The following TNIP3 variants were observed in gnomAD, a reference collection of about 807,000 sequenced individuals.
TNIP3 encodes the protein TNFAIP3-interacting protein 3.
A neutral mutation model predicts 54.1 loss-of-function variants in TNIP3; 34 were observed. The observed-to-expected ratio is 0.63, with a 90% confidence interval of 0.48 to 0.84. TNIP3 has a LOEUF of 0.84. Ranked by LOEUF, TNIP3 falls within the 40% of genes least tolerant of loss-of-function variation. The probability of loss-of-function intolerance (pLI) is 0.00; values close to 1 mark genes in which losing one functional copy is unlikely to be tolerated. For missense variants in TNIP3, 366 were observed against 387.6 expected, an observed-to-expected ratio of 0.94 and a Z score of 0.47; for synonymous variants, 134 against 136.8, an observed-to-expected ratio of 0.98 and a Z score of 0.14.
chr4:121,154,311 C>T, intron 5 of TNIP3: 1 of 459,272 alleles, frequency 2.2e-6, no homozygotes, highest in South Asian at 2.6e-5. Flanking sequence ...TCTGTAATTC[C>T]TCCTCATTTC....
intron 5 of TNIP3, chr4:121,154,337 AT>A: frequency 3.7e-6 from 2 of 533,900 alleles, no homozygotes; most frequent in Non-Finnish European, 6.5e-6. Flanking sequence ...CTCATGATGA[AT>A]CTTTGTAGGG....
In TNIP3 at chr4:121,216,541, C is replaced by T. The variant is rs151081505; in HGVS notation, c.-18-41G>A. 226 of 1,531,624 alleles carry T rather than the reference C, an allele frequency of 1.5e-4. 2 individuals are homozygous for T. Among genetic ancestry groups the T allele is most frequent in the South Asian group, 4.9e-4 (41 of 83,188 alleles). 94.9% of individuals were successfully genotyped at this position (1,531,624 alleles called of 1,614,324 possible). A position where few individuals can be genotyped will look rare whatever the true frequency, so the allele number is the denominator to read the frequency against. On this transcript the variant is annotated intron_variant, in intron 1 of 12. Coordinates refer to the TNIP3 transcript ENST00000507879. ...ATGAAGGACATGAGGCTCAGATGTACGTCAAGGGAAGTTAACTATGTCAGT... is the reference window on the plus strand; with the variant it reads ...ATGAAGGACATGAGGCTCAGATGTATGTCAAGGGAAGTTAACTATGTCAGT...
At chr4:121,183,102 A>G (rs1222098890) in intron 2 of TNIP3, among the ~76,000 whole-genome samples, 2 of 152,204 alleles carry the variant, frequency 1.3e-5, no homozygotes, top group African/African-American at 4.8e-5. Flanking sequence ...GCATTTTCTT[A>G]TTCAATGTGC....
chr4:121,226,578 CT>C (rs775418449), intron 1 of TNIP3, among the ~76,000 whole-genome samples: 22 of 152,230 alleles, frequency 1.4e-4, no homozygotes, highest in Non-Finnish European at 3.1e-4. Context: ...GAACAAAGTT[CT>C]CAGCATTTCA....
chr4:121,147,042 C>G lies in TNIP3; in HGVS notation c.735+7G>C, dbSNP rs367746253. ...GCTGGCAAAGATTATTTTGTTTTGA[C>G]TTGTACCTGGGAATTCAGCCTGTTC... On this transcript the variant is annotated splice_region_variant and intron_variant, in intron 7 of 10. Coordinates refer to ENST00000057513, the MANE Select transcript of TNIP3 (RefSeq NM_024873.6). 1.0e-5 allele frequency: 16 copies of G among 1,606,520 alleles called. No individual in the cohort carries two copies. Among genetic ancestry groups the G allele is most frequent in the Non-Finnish European group, 1.3e-5 (15 of 1,177,134 alleles).
In TNIP3 at chr4:121,141,980, T is replaced by A. The variant is rs1729149554; in HGVS notation, c.787-66A>T. On this transcript the variant is annotated intron_variant, in intron 8 of 10. Coordinates refer to ENST00000057513, the MANE Select transcript of TNIP3 (RefSeq NM_024873.6). The stretch of plus-strand genomic sequence containing the variant: ...GACTGAGGAGTTGCAGTGACATTGC[T>A]TTATACAAAAGGTTTGGTTTCAATC... 4.4e-6 allele frequency: 5 copies of A among 1,135,304 alleles called. No homozygotes were observed. In the South Asian group the frequency reaches 8.5e-5, roughly 19 times the overall value. 70.3% of individuals were successfully genotyped at this position (1,135,304 alleles called of 1,614,324 possible).
intron 3 of TNIP3, among the ~76,000 whole-genome samples, chr4:121,179,273 G>A (rs1315749005): frequency 6.6e-6 from 1 of 152,186 alleles, no homozygotes; most frequent in African/African-American, 2.4e-5. Flanking sequence ...TTTCTATCCT[G>A]ATACAACTTT....
intron 1 of TNIP3, among the ~76,000 whole-genome samples, chr4:121,225,659 G>A (rs545122021): frequency 2.7e-4 from 41 of 152,310 alleles, no homozygotes; most frequent in African/African-American, 9.4e-4. Context: ...GTGTTAAAGA[G>A]CAATTTTTAA....
chr4:121,146,413 G>A (rs2148801754), intron 7 of TNIP3, among the ~76,000 whole-genome samples: 1 of 152,026 alleles, frequency 6.6e-6, no homozygotes, highest in East Asian at 1.9e-4. Flanking sequence ...TATTTTTTAA[G>A]GCAAAATTAT....
chr4:121,174,563 C>CA (rs1282928055), intron 3 of TNIP3, among the ~76,000 whole-genome samples: 1 of 151,966 alleles, frequency 6.6e-6, no homozygotes, highest in African/African-American at 2.4e-5. Context: ...AAGCCTGACT[C>CA]AAAAAAATCT....
At chr4:121,162,832 C>T (rs1730534354) in intron 1 of TNIP3, among the ~76,000 whole-genome samples, 1 of 152,144 alleles carries the variant, frequency 6.6e-6, no homozygotes. Flanking sequence ...AATATATTCC[C>T]ATTCTAGGGA....
At chr4:121,158,625 C>A in intron 3 of TNIP3, 62 bp downstream of exon 3, 1 of 1,324,076 alleles carries the variant, frequency 7.6e-7, no homozygotes, top group South Asian at 1.2e-5. Context: ...AGACTCTTCA[C>A]ACAATTGGCC....
intron 2 of TNIP3, among the ~76,000 whole-genome samples, chr4:121,190,514 T>G (rs2148832228): frequency 6.6e-6 from 1 of 152,330 alleles, no homozygotes; most frequent in East Asian, 1.9e-4. Flanking sequence ...GTTATCCATA[T>G]TATGTCTTTC....
At chr4:121,222,407 G>A (rs369067572) in intron 1 of TNIP3, among the ~76,000 whole-genome samples, 226 of 152,286 alleles carry the variant, frequency 1.5e-3, no homozygotes, top group Middle Eastern at 3.4e-3. Context: ...GTCAAAAGAT[G>A]TGTATTCAAA....
intron 10 of TNIP3, among the ~76,000 whole-genome samples, chr4:121,133,770 C>A (rs901237225): frequency 6.6e-6 from 1 of 152,034 alleles, no homozygotes; most frequent in African/African-American, 2.4e-5. Flanking sequence ...GGGAGGAGGG[C>A]CTTAATCCAC....
intron 3 of TNIP3, among the ~76,000 whole-genome samples, chr4:121,176,662 A>G (rs1313571029): frequency 6.6e-6 from 1 of 151,778 alleles, no homozygotes; most frequent in Admixed American, 6.6e-5. Flanking sequence ...TTTGATTAAA[A>G]AAAAAACAGC....
chr4:121,149,674 G>T (rs1254231602), intron 6 of TNIP3, among the ~76,000 whole-genome samples: 1 of 152,226 alleles, frequency 6.6e-6, no homozygotes. Context: ...GCTGAGGCAG[G>T]AGAATCACTT....
chr4:121,148,630 A>G (rs1729565214), intron 6 of TNIP3, among the ~76,000 whole-genome samples: 1 of 152,222 alleles, frequency 6.6e-6, no homozygotes, highest in South Asian at 2.1e-4. Flanking sequence ...TTTTTCAGCT[A>G]TGTATTTTAC....
intron 10 of TNIP3, among the ~76,000 whole-genome samples, 160 bp from the exon 11 acceptor site, chr4:121,132,822 C>T (rs377727698): frequency 2.7e-5 from 4 of 150,866 alleles, no homozygotes; most frequent in Non-Finnish European, 5.9e-5. Context: ...AATCAAGAAG[C>T]GGGAGATGGA....
Sources: allele counts gnomAD v4.1 joint callset (sites outside exome capture counted in the v4.1 genomes callset), GRCh38; gene constraint gnomAD v4.1.1; transcripts MANE v1.5; gene names NCBI Gene and HGNC (gene_info 2026-07-23, HGNC 2026-07-21).